FSHR: variants seen among roughly 807,000 people sequenced by gnomAD.
FSHR encodes the protein follicle-stimulating hormone receptor.
Under a neutral mutation model 52.1 loss-of-function variants are expected in FSHR, and 46 were observed. The observed-to-expected ratio is 0.88, with a 90% CI of 0.70 to 1.13. The LOEUF (loss-of-function observed/expected upper bound fraction) is 1.13, where lower values mean the gene tolerates loss of function less well. Ranked by LOEUF, FSHR falls within the 50% of genes most tolerant of loss-of-function variation. FSHR has a pLI of 0.00. For synonymous variants in FSHR, 399 were observed against 309.6 expected, an observed-to-expected ratio of 1.29 and a Z score of -3.03; for missense variants, 964 against 834.6, an observed-to-expected ratio of 1.16 and a Z score of -1.91.
chr2:49,150,838 A>G (rs913269037), intron 1 of FSHR, among the ~76,000 whole-genome samples: 1 of 151,982 alleles, frequency 6.6e-6, no homozygotes, highest in African/African-American at 2.4e-5. Flanking sequence ...GAAGTGGGCA[A>G]TACATAGTCC....
chr2:49,035,494 G>A (rs1232572652), intron 2 of FSHR, among the ~76,000 whole-genome samples: 3 of 152,092 alleles, frequency 2.0e-5, no homozygotes, highest in South Asian at 2.1e-4. Context: ...AGGCCTCTGT[G>A]GCTATGCCTA....
At chr2:49,087,007 G>A (rs74391554) in intron 1 of FSHR, among the ~76,000 whole-genome samples, 5,805 of 145,546 alleles carry the variant, frequency 0.04, 160 homozygotes, top group Middle Eastern at 0.064. Flanking sequence ...TGCTTTAGTA[G>A]AATAGCATAA....
intron 2 of FSHR, chr2:49,059,627 T>C (rs550388404): frequency 6.5e-6 from 1 of 152,696 alleles, no homozygotes; most frequent in Non-Finnish European, 1.5e-5. Flanking sequence ...TTTTTGCTAT[T>C]AGAAAGTAAT....
intron 4 of FSHR, among the ~76,000 whole-genome samples, chr2:49,000,116 G>T (rs997038590): frequency 6.6e-6 from 1 of 152,088 alleles, no homozygotes; most frequent in Non-Finnish European, 1.5e-5. Context: ...ACTATGTCCA[G>T]TGAATTTTGG....
intron 1 of FSHR, among the ~76,000 whole-genome samples, chr2:49,071,003 G>C (rs1164189536): frequency 6.6e-6 from 1 of 152,088 alleles, no homozygotes; most frequent in Non-Finnish European, 1.5e-5. Context: ...AAGGAACCCT[G>C]GGGGAGTTTC....
intron 1 of FSHR, among the ~76,000 whole-genome samples, chr2:49,099,785 T>C (rs1190716354): frequency 4.6e-5 from 7 of 152,106 alleles, no homozygotes; most frequent in Non-Finnish European, 1.0e-4. Context: ...GAAAGAGGCA[T>C]GGAACTGTTG....
At chr2:49,037,046 C>T (rs1052673705) in intron 2 of FSHR, among the ~76,000 whole-genome samples, 8 of 152,144 alleles carry the variant, frequency 5.3e-5, no homozygotes, top group African/African-American at 9.7e-5. Flanking sequence ...AGCCCAAGTT[C>T]CACAGTTCTT....
intron 1 of FSHR, among the ~76,000 whole-genome samples, chr2:49,076,653 CAG>C (rs1400921793): frequency 6.6e-6 from 1 of 152,154 alleles, no homozygotes; most frequent in Non-Finnish European, 1.5e-5. Flanking sequence ...ATCCACAATC[CAG>C]AGTCTCATCT....
In FSHR at chr2:48,964,078, T is replaced by C. The variant is rs906447850; in HGVS notation, c.855-112A>G. On this transcript the variant is annotated intron_variant, in intron 9 of 9. Coordinates refer to ENST00000406846, the MANE Select transcript of FSHR (RefSeq NM_000145.4). Reference sequence around the variant, plus strand: ...GAGTTTCTTCCTGAGATTTTTTTTTTTTCTTCTCACATCATACCTGCCCTT... The same window carrying C: ...GAGTTTCTTCCTGAGATTTTTTTTTCTTCTTCTCACATCATACCTGCCCTT... 2.7e-6 allele frequency: 3 copies of C among 1,110,706 alleles called. No homozygotes were observed. In the Admixed American group the frequency reaches 6.4e-5, roughly 24 times the overall value. 68.8% of individuals were successfully genotyped at this position (1,110,706 alleles called of 1,614,324 possible).
chr2:49,005,755 C>T lies in FSHR; in HGVS notation c.374+11734G>A, dbSNP rs1021156444. 2.6e-5 allele frequency among the ~76,000 whole-genome samples: 4 copies of T among 152,154 alleles called. No homozygotes were observed. The South Asian group carries it at 6.2e-4, about 24-fold the overall frequency. On this transcript the variant is annotated intron_variant, in intron 4 of 9. Transcript: ENST00000406846. ...TGCCTTTCTATCCCTCTAAGCACCA[C>T]CATTACTGTATCCCTGGATTATGGC...
chr2:48,981,373 G>A lies in FSHR; in HGVS notation c.668+1539C>T, dbSNP rs1340057415. ...ACTGATGCTTAAAAATTTATCTGAT[G>A]AGTGAAAAAATATTTATGTGTGTGT... On this transcript the variant is annotated intron_variant, in intron 8 of 9. Coordinates refer to ENST00000406846, the MANE Select transcript of FSHR (RefSeq NM_000145.4). 2.0e-5 allele frequency among the ~76,000 whole-genome samples: 3 copies of A among 152,208 alleles called. No individual in the cohort carries two copies. In the East Asian group the frequency reaches 5.8e-4, roughly 29 times the overall value.
At chr2:49,120,275 A>G (rs752330077) in intron 1 of FSHR, among the ~76,000 whole-genome samples, 1 of 152,076 alleles carries the variant, frequency 6.6e-6, no homozygotes, top group Non-Finnish European at 1.5e-5. Flanking sequence ...CATCTCAGAC[A>G]AAAAAACAAA....
chr2:48,980,868 C>T (rs1238070032), intron 8 of FSHR, among the ~76,000 whole-genome samples: 1 of 152,098 alleles, frequency 6.6e-6, no homozygotes, highest in East Asian at 1.9e-4. Flanking sequence ...CTTCATTATT[C>T]TCGGGAGCAG....
intron 1 of FSHR, among the ~76,000 whole-genome samples, chr2:49,139,509 G>A (rs1034376184): frequency 2.0e-5 from 3 of 152,096 alleles, no homozygotes; most frequent in African/African-American, 7.2e-5. Context: ...ACTTTTTATG[G>A]AGTGTCATGA....
At chr2:49,154,133 G>A in intron 1 of FSHR, 133 bp downstream of exon 1, 3 of 947,534 alleles carry the variant, frequency 3.2e-6, no homozygotes, top group South Asian at 1.4e-5. Flanking sequence ...GGAGTTAGTT[G>A]TTTTATTCAG....
chr2:49,094,058 A>T (rs531913245), intron 1 of FSHR, among the ~76,000 whole-genome samples: 1 of 152,102 alleles, frequency 6.6e-6, no homozygotes, highest in African/African-American at 2.4e-5. Context: ...TGTTTACTCT[A>T]TATTTCATTA....
chr2:49,102,942 G>A (rs1671087700), intron 1 of FSHR, among the ~76,000 whole-genome samples: 1 of 151,966 alleles, frequency 6.6e-6, no homozygotes, highest in Admixed American at 6.6e-5. Context: ...CTATCTCAGT[G>A]TTTCTCGATT....
chr2:49,147,194 A>C (rs1203753758), intron 1 of FSHR, among the ~76,000 whole-genome samples: 1 of 152,088 alleles, frequency 6.6e-6, no homozygotes, highest in Non-Finnish European at 1.5e-5. Flanking sequence ...GAGAGGTCAG[A>C]TTAAGAACAA....
At chr2:49,111,121 A>G (rs961899233) in intron 1 of FSHR, among the ~76,000 whole-genome samples, 5 of 152,294 alleles carry the variant, frequency 3.3e-5, no homozygotes, top group Admixed American at 6.5e-5. Flanking sequence ...AGTTGTCACT[A>G]TCTTGTCCTT....
Sources: gnomAD v4.1 joint callset for allele counts (sites outside exome capture counted in the v4.1 genomes callset) on GRCh38, gnomAD v4.1.1 for gene constraint, MANE v1.5 for transcripts, NCBI Gene and HGNC (gene_info 2026-07-23, HGNC 2026-07-21) for gene names.